Variants in NPIPB15 observed in about 807,000 individuals in gnomAD.
NPIPB15 encodes nuclear pore complex-interacting protein family member B15.
In NPIPB15, 5 loss-of-function variants were observed where a neutral mutation model predicts 35.9. That is an observed-to-expected ratio of 0.14 (90% confidence interval 0.07 to 0.29). NPIPB15 has a LOEUF of 0.29. NPIPB15 is among the 10% of genes least tolerant of loss of function. The probability of loss-of-function intolerance (pLI) is 1.00; values close to 1 mark genes in which losing one functional copy is unlikely to be tolerated. For missense variants in NPIPB15, 100 were observed against 506.1 expected, an observed-to-expected ratio of 0.20 and a Z score of 7.70; for synonymous variants, 43 against 182.0, an observed-to-expected ratio of 0.24 and a Z score of 6.15.
chr16:74,382,734 G>T (rs1444950675), intron 3 of NPIPB15, among the ~76,000 whole-genome samples: 1 of 152,216 alleles, frequency 6.6e-6, no homozygotes, highest in African/African-American at 2.4e-5. Context: ...TTCAAGGGAA[G>T]AGGAAGTATG....
chr16:74,379,070 G>C (rs1457351954), intron 2 of NPIPB15, among the ~76,000 whole-genome samples: 1 of 152,224 alleles, frequency 6.6e-6, no homozygotes, highest in East Asian at 1.9e-4. Flanking sequence ...AAAGTGTTGG[G>C]ATTACAGGCG....
intron 2 of NPIPB15, among the ~76,000 whole-genome samples, chr16:74,381,094 G>A (rs1193185649): frequency 8.0e-5 from 11 of 137,518 alleles, no homozygotes; most frequent in Non-Finnish European, 1.7e-4. Flanking sequence ...AGTGAGCCGA[G>A]ATTGCACCAC....
At position 74,391,694 on chromosome 16, in the gene NPIPB15, G is replaced by A. The variant is rs1338368869; in HGVS notation, c.946G>A (p.Asp316Asn). The change falls in exon 8 of 8, where the codon GAT becomes AAT. Residue 316 changes from aspartate to asparagine, a missense_variant. By Grantham distance (23) the Asp-to-Asn change is conservative. Transcript: ENST00000692376. ...ACCCTCTCCTCTTCCACCCTCAGTG[G>A]ATGATAATCTGAAGGACTGTCTCTT... ...LPPSPLPPSV[D>N]DNLKDCLFVP... 6.3e-7 allele frequency: 1 copy of A among 1,583,382 alleles called. No homozygotes were observed. The highest frequency in any genetic ancestry group is 2.3e-5 in the East Asian group (1 of 43,604).
chr16:74,379,827 G>A (rs1388171445), intron 2 of NPIPB15, among the ~76,000 whole-genome samples: 1 of 151,954 alleles, frequency 6.6e-6, no homozygotes, highest in Admixed American at 6.6e-5. Flanking sequence ...TGATCTCGTG[G>A]TCCACCCACC....
intron 2 of NPIPB15, among the ~76,000 whole-genome samples, chr16:74,379,686 T>C (rs1837369587): frequency 6.6e-6 from 1 of 151,858 alleles, no homozygotes; most frequent in African/African-American, 2.4e-5. Flanking sequence ...GCCTCCTGGG[T>C]TCAAGTGATT....
intron 3 of NPIPB15, among the ~76,000 whole-genome samples, chr16:74,384,751 A>G (rs2012174281): frequency 1.5e-5 from 2 of 133,132 alleles, no homozygotes. Context: ...GCACAATCTC[A>G]GCTCACCACA....
chr16:74,385,033 G>T (rs2012195779), intron 3 of NPIPB15, among the ~76,000 whole-genome samples: 1 of 131,366 alleles, frequency 7.6e-6, no homozygotes, highest in Non-Finnish European at 1.6e-5. Flanking sequence ...GTGTGTGTGT[G>T]TGACAGAGTC....
intron 2 of NPIPB15, among the ~76,000 whole-genome samples, chr16:74,381,118 G>A (rs1392336022): frequency 1.4e-5 from 2 of 139,364 alleles, no homozygotes; most frequent in Non-Finnish European, 3.0e-5. Context: ...ACTCCAGCCT[G>A]GGCGACTGAG....
chr16:74,381,299 A>T, intron 2 of NPIPB15: 1 of 630,126 alleles, frequency 1.6e-6, no homozygotes, highest in South Asian at 2.0e-5. Context: ...GAAAGACAAC[A>T]CCCCACATTT....
At chr16:74,378,228 A>G (rs1319608519) in intron 2 of NPIPB15, among the ~76,000 whole-genome samples, 189 bp downstream of exon 2, 1 of 151,476 alleles carries the variant, frequency 6.6e-6, no homozygotes, top group African/African-American at 2.4e-5. Flanking sequence ...AAAATTCCAA[A>G]AAAGATTAGT....
intron 2 of NPIPB15, among the ~76,000 whole-genome samples, chr16:74,378,287 G>A (rs1244859724): frequency 6.6e-6 from 1 of 151,590 alleles, no homozygotes; most frequent in Non-Finnish European, 1.5e-5. Flanking sequence ...AGAGGCTGAG[G>A]TGGGAGGATC....
chr16:74,379,356 T>G (rs1298774967), intron 2 of NPIPB15, among the ~76,000 whole-genome samples: 1 of 152,216 alleles, frequency 6.6e-6, no homozygotes, highest in African/African-American at 2.4e-5. Flanking sequence ...GTTGAAGGGC[T>G]ATCTCTGTTT....
In NPIPB15 at chr16:74,391,444, C is replaced by CT; in HGVS notation, c.697dup (p.Tyr233LeufsTer5). On this transcript the variant is annotated frameshift_variant, in exon 8 of 8. Transcript: ENST00000692376. LOFTEE classifies it low-confidence loss of function (END_TRUNC). Reference sequence around the variant, plus strand: ...ATTCTTCAGGATTGCCCTGCTGGCCCTACCTCACAGCTGAAGCTTTAAAAA... The same window carrying CT: ...ATTCTTCAGGATTGCCCTGCTGGCCCTTACCTCACAGCTGAAGCTTTAAAAA... The CT allele has an allele frequency of 1.2e-6, 2 of 1,611,368 alleles. No individual in the cohort carries two copies. Among genetic ancestry groups the CT allele is most frequent in the Non-Finnish European group, 8.5e-7 (1 of 1,179,858 alleles).
intron 5 of NPIPB15, among the ~76,000 whole-genome samples, chr16:74,387,628 CTT>C (rs1162727467): frequency 6.6e-6 from 1 of 151,738 alleles, no homozygotes; most frequent in African/African-American, 2.4e-5. Context: ...TCCTCACTGG[CTT>C]CTCATTTGCA....
rs1235656391 is a variant in NPIPB15, at chr16:74,376,695, A to G, written c.-674A>G. ...TCATCACTCGGTTTCAGATGTTAAAATGTCTAGGTGGGTTAGGGGTGATTT... is the reference window on the plus strand; with the variant it reads ...TCATCACTCGGTTTCAGATGTTAAAGTGTCTAGGTGGGTTAGGGGTGATTT... On this transcript the variant is annotated 5_prime_UTR_variant, in exon 1 of 8. An upstream start codon of the reference 5' UTR is lost. Transcript: ENST00000692376. Among the ~76,000 whole-genome samples the G allele has an allele frequency of 2.4e-3, 365 of 151,642 alleles. No individual in the cohort carries two copies. Among genetic ancestry groups the G allele is most frequent in the Non-Finnish European group, 2.2e-3 (147 of 67,832 alleles).
At chr16:74,382,760 CTAGA>C (rs2012060453) in intron 3 of NPIPB15, among the ~76,000 whole-genome samples, 1 of 152,194 alleles carries the variant, frequency 6.6e-6, no homozygotes, top group South Asian at 2.1e-4. Context: ...GTTTTACCAC[CTAGA>C]TAATTACAAG....
Position 74,391,428 on chromosome 16 carries a change from G to A in NPIPB15, c.680G>A (p.Gly227Glu), listed in dbSNP as rs1355075692. The A allele has an allele frequency of 1.2e-6, 2 of 1,609,824 alleles. No homozygotes were observed. Among genetic ancestry groups the A allele is most frequent in the East Asian group, 2.2e-5 (1 of 44,878 alleles). ...GCAGCGGAGCATCGTCATTCTTCAG[G>A]ATTGCCCTGCTGGCCCTACCTCACA... ...MAAAEHRHSS[G>E]LPCWPYLTAE... Residue 227 changes from glycine to glutamate, a missense_variant, in exon 8 of 8, where the codon GGA (glycine) becomes GAA (glutamate). Gly to Glu is a moderately conservative substitution (Grantham distance 98). Coordinates refer to ENST00000692376, the MANE Select transcript of NPIPB15 (RefSeq NM_001306094.2).
chr16:74,380,994 T>G (rs1175250325), intron 2 of NPIPB15, among the ~76,000 whole-genome samples: 1 of 151,020 alleles, frequency 6.6e-6, no homozygotes, highest in Non-Finnish European at 1.5e-5. Flanking sequence ...AATACAAAAA[T>G]GAGTCGGGCA....
chr16:74,386,157 GTA>G (rs1262559310), intron 5 of NPIPB15, among the ~76,000 whole-genome samples: 63 of 112,776 alleles, frequency 5.6e-4, no homozygotes, highest in African/African-American at 2.0e-3. Context: ...GCTAATTTTT[GTA>G]TTTTTACTAG....
Sources: allele counts gnomAD v4.1 joint callset (sites outside exome capture counted in the v4.1 genomes callset), GRCh38; gene constraint gnomAD v4.1.1; transcripts MANE v1.5; gene names NCBI Gene and HGNC (gene_info 2026-07-23, HGNC 2026-07-21).